The following UBE2M variants were observed in gnomAD, a reference collection of about 807,000 sequenced individuals.
The protein encoded by UBE2M is ubiquitin conjugating enzyme E2 M.
A neutral mutation model predicts 23.5 loss-of-function variants in UBE2M; 2 were observed. The observed-to-expected ratio is 0.09, with a 90% CI of 0.03 to 0.27. The LOEUF is 0.27. UBE2M is among the 10% of genes least tolerant of loss of function. UBE2M has a pLI of 1.00. For synonymous variants in UBE2M, 97 were observed against 95.2 expected (o/e 1.02, Z -0.11); for missense variants, 103 against 232.9 (o/e 0.44, Z 3.63).
At position 58,556,282 on chromosome 19, in the gene UBE2M, A is replaced by G. The variant is rs767481119; in HGVS notation, c.411+34T>C. The G allele has an allele frequency of 8.7e-6, 14 of 1,613,900 alleles. No homozygotes were observed. In the East Asian group the frequency reaches 2.7e-4, roughly 31 times the overall value. On this transcript the variant is annotated intron_variant, in intron 5 of 5. Transcript: ENST00000253023. The surrounding 1 kb of genome is among the most constrained non-coding windows in gnomAD (Gnocchi z 4.9). Reference sequence around the variant, plus strand: ...AACAGGCCAGAGGGACAGAAGGCCAATCTCCCCAGACCCAACCACCTATTC... The same window carrying G: ...AACAGGCCAGAGGGACAGAAGGCCAGTCTCCCCAGACCCAACCACCTATTC...
Position 58,556,996 on chromosome 19 carries a change from T to C in UBE2M, c.205-66A>G. 2 of 1,613,700 alleles carry C rather than the reference T, an allele frequency of 1.2e-6. No individual in the cohort carries two copies. The highest frequency in any genetic ancestry group is 1.7e-6 in the Non-Finnish European group (2 of 1,179,670). ...CCTGTGGGGCCCGATGGGCAGAACA[T>C]GTCTCCCTCCTCTCAGTGGGGACAC... On this transcript the variant is annotated intron_variant, in intron 2 of 5. Transcript: ENST00000253023. This position sits in a 1 kb window ranked among gnomAD's most constrained non-coding sequence, Gnocchi z 4.9.
At position 58,556,273 on chromosome 19, in the gene UBE2M, A is replaced by G. The variant is rs1339733599; in HGVS notation, c.411+43T>C. On this transcript the variant is annotated intron_variant, in intron 5 of 5. Coordinates refer to ENST00000253023, the MANE Select transcript of UBE2M (RefSeq NM_003969.4). The surrounding 1 kb of genome is among the most constrained non-coding windows in gnomAD (Gnocchi z 4.9). ...GGGGGGGTCAACAGGCCAGAGGGACAGAAGGCCAATCTCCCCAGACCCAAC... is the reference window on the plus strand; with the variant it reads ...GGGGGGGTCAACAGGCCAGAGGGACGGAAGGCCAATCTCCCCAGACCCAAC... 3.1e-6 allele frequency: 5 copies of G among 1,613,948 alleles called. No homozygotes were observed. Among genetic ancestry groups the G allele is most frequent in the Admixed American group, 3.3e-5 (2 of 60,006 alleles).
intron 2 of UBE2M, 56 bp downstream of exon 2, chr19:58,557,007 T>A: frequency 6.2e-7 from 1 of 1,613,572 alleles, no homozygotes; most frequent in East Asian, 2.2e-5. Flanking sequence ...GTCTCCCTCC[T>A]CTCAGTGGGG....
chr19:58,557,240 G>T, intron 1 of UBE2M, 83 bp from the exon 2 acceptor site: 1 of 1,432,812 alleles, frequency 7.0e-7, no homozygotes, highest in East Asian at 2.3e-5. Flanking sequence ...CACTTAGGGC[G>T]GGTGTTTGTT....
chr19:58,557,258 C>T (rs1211493570), intron 1 of UBE2M, 101 bp from the exon 2 acceptor site: 4 of 1,199,684 alleles, frequency 3.3e-6, no homozygotes, highest in East Asian at 2.3e-5. Flanking sequence ...GTTAGCAGAG[C>T]CCCCATCGTC....
chr19:58,557,252 G>T, intron 1 of UBE2M, 95 bp from the exon 2 acceptor site: 1 of 1,292,850 alleles, frequency 7.7e-7, no homozygotes, highest in Non-Finnish European at 1.1e-6. Flanking sequence ...GTGTTTGTTA[G>T]CAGAGCCCCC....
In UBE2M at chr19:58,558,558, G is replaced by A. The variant is rs1159707031; in HGVS notation, c.-177C>T. ...CCGCTCCTCTCCGCGCCCACCGCGC[G>A]GCCCGCCTCGGCTCCCGTAGTCCGG... On this transcript the variant is annotated 5_prime_UTR_variant, in exon 1 of 6. Transcript: ENST00000253023. The surrounding 1 kb of genome is among the most constrained non-coding windows in gnomAD (Gnocchi z 4.7). 1 of 168,790 alleles carries A rather than the reference G, an allele frequency of 5.9e-6. No individual in the cohort carries two copies. 10.5% of individuals were successfully genotyped at this position (168,790 alleles called of 1,614,324 possible).
chr19:58,555,815 CCA>C lies in UBE2M; in HGVS notation c.*272_*273del. The stretch of plus-strand genomic sequence containing the variant: ...GCCCGTTGCCCACCCACTCCACAGC[CCA>C]GAGTGGGGGCTGAACAAGCACCCAG... On this transcript the variant is annotated 3_prime_UTR_variant, in exon 6 of 6. Coordinates refer to ENST00000253023, the MANE Select transcript of UBE2M (RefSeq NM_003969.4). 1 of 504,288 alleles carries C rather than the reference CCA, an allele frequency of 2.0e-6. No homozygotes were observed. 31.2% of individuals were successfully genotyped at this position (504,288 alleles called of 1,614,324 possible). A position where few individuals can be genotyped will look rare whatever the true frequency, so the allele number is the denominator to read the frequency against.
chr19:58,557,678 G>C (rs1200731826), intron 1 of UBE2M, among the ~76,000 whole-genome samples: 2 of 112,604 alleles, frequency 1.8e-5, no homozygotes, highest in East Asian at 2.5e-4. Flanking sequence ...CACCCCCTCT[G>C]ACTCTGAGGT....
rs1476590995 is a variant in UBE2M at position 58,556,802 on chromosome 19, A to C, written c.244-12T>G. On this transcript the variant is annotated splice_polypyrimidine_tract_variant and intron_variant, in intron 3 of 5. Transcript: ENST00000253023. The surrounding 1 kb of genome is among the most constrained non-coding windows in gnomAD (Gnocchi z 4.9). ...TAACCCTGGCCCACCTGGCTCCAGG[A>C]AAAGAAAAGAGAGATGGGTAGGTGC... 2 of 1,604,082 alleles carry C rather than the reference A, an allele frequency of 1.2e-6. No homozygotes were observed. Among genetic ancestry groups the C allele is most frequent in the African/African-American group, 2.7e-5 (2 of 74,214 alleles).
chr19:58,556,670 A>G lies in UBE2M; in HGVS notation c.347+17T>C. On this transcript the variant is annotated intron_variant, in intron 4 of 5. Coordinates refer to ENST00000253023, the MANE Select transcript of UBE2M (RefSeq NM_003969.4). The surrounding 1 kb of genome is among the most constrained non-coding windows in gnomAD (Gnocchi z 4.9). ...CAGGCAGCGCTGAGGAGGGCATTAGAGGGCCAGTGTCCTCACCTGAGGATG... is the reference window on the plus strand; with the variant it reads ...CAGGCAGCGCTGAGGAGGGCATTAGGGGGCCAGTGTCCTCACCTGAGGATG... 1 of 1,520,116 alleles carries G rather than the reference A, an allele frequency of 6.6e-7. No individual in the cohort carries two copies. Among genetic ancestry groups the G allele is most frequent in the Non-Finnish European group, 8.8e-7 (1 of 1,136,252 alleles). 94.2% of individuals were successfully genotyped at this position (1,520,116 alleles called of 1,614,324 possible). A position where few individuals can be genotyped will look rare whatever the true frequency, so the allele number is the denominator to read the frequency against.
intron 1 of UBE2M, among the ~76,000 whole-genome samples, chr19:58,557,537 C>A (rs915646124): frequency 6.6e-6 from 1 of 151,902 alleles, no homozygotes; most frequent in African/African-American, 2.4e-5. Flanking sequence ...TACCTGTTCA[C>A]CCAAACTCAA....
chr19:58,556,584 C>G lies in UBE2M; in HGVS notation c.347+103G>C. On this transcript the variant is annotated intron_variant, in intron 4 of 5. Coordinates refer to ENST00000253023, the MANE Select transcript of UBE2M (RefSeq NM_003969.4). This position sits in a 1 kb window ranked among gnomAD's most constrained non-coding sequence, Gnocchi z 4.9. ...TGGGAAATCAAGAAACCACAGACAA[C>G]AAAGGGGTGGGAAGGGACAGAGTCT... 1.7e-6 allele frequency: 2 copies of G among 1,193,606 alleles called. No homozygotes were observed. The highest frequency in any genetic ancestry group is 2.3e-6 in the Non-Finnish European group (2 of 853,232). 73.9% of individuals were successfully genotyped at this position (1,193,606 alleles called of 1,614,324 possible).
Position 58,556,922 on chromosome 19 carries a change from G to A in UBE2M, c.213C>T (p.Tyr71=), listed in dbSNP as rs1338845236. ...KLVICPDEGF[Y]KSGKFVFSFK... ...AACTGAACACAAACTTCCCACTCTT[G>A]TAGAAGCCCTGGGAGGAAAAGGGGG... Residue 71 remains tyrosine, a synonymous_variant, in exon 3 of 6, where the codon TAC becomes TAT. Coordinates refer to ENST00000253023, the MANE Select transcript of UBE2M (RefSeq NM_003969.4). This position sits in a 1 kb window ranked among gnomAD's most constrained non-coding sequence, Gnocchi z 4.9. 3 of 1,613,914 alleles carry A rather than the reference G, an allele frequency of 1.9e-6. No individual in the cohort carries two copies. The highest frequency in any genetic ancestry group is 2.5e-6 in the Non-Finnish European group (3 of 1,179,976).
chr19:58,555,921 G>A lies in UBE2M; in HGVS notation c.*168C>T, dbSNP rs2053886662. 1 of 931,896 alleles carries A rather than the reference G, an allele frequency of 1.1e-6. No individual in the cohort carries two copies. The highest frequency in any genetic ancestry group is 2.7e-5 in the East Asian group (1 of 37,486). The allele number at this position is 931,896 out of a possible 1,614,324, so 57.7% of individuals were successfully genotyped here. On this transcript the variant is annotated 3_prime_UTR_variant, in exon 6 of 6. Coordinates refer to ENST00000253023, the MANE Select transcript of UBE2M (RefSeq NM_003969.4). ...GCAGCGCCGACCTTAATCACATGGT[G>A]TTAAAAAAAAAAAAATAACTAGGGG...
chr19:58,558,407 C>T lies in UBE2M; in HGVS notation c.-26G>A. 2 of 1,271,206 alleles carry T rather than the reference C, an allele frequency of 1.6e-6. No individual in the cohort carries two copies. Among genetic ancestry groups the T allele is most frequent in the Non-Finnish European group, 2.0e-6 (2 of 987,712 alleles). 78.7% of individuals were successfully genotyped at this position (1,271,206 alleles called of 1,614,324 possible). On this transcript the variant is annotated 5_prime_UTR_variant, in exon 1 of 6. Transcript: ENST00000253023. The surrounding 1 kb of genome is among the most constrained non-coding windows in gnomAD (Gnocchi z 4.7). ...CCTGCCGCCGCCGCCGCCGCTGCCGCCGCCGCGGGGCCCGGGACCCCGGCC... is the reference window on the plus strand; with the variant it reads ...CCTGCCGCCGCCGCCGCCGCTGCCGTCGCCGCGGGGCCCGGGACCCCGGCC...
At position 58,556,253 on chromosome 19, in the gene UBE2M, G is replaced by T. The variant is rs773806470; in HGVS notation, c.412-24C>A. 3.1e-6 allele frequency: 5 copies of T among 1,613,754 alleles called. No homozygotes were observed. The highest frequency in any genetic ancestry group is 1.7e-5 in the Admixed American group (1 of 60,000). ...TCCTGTGGCCAGTACAGGTAGGGGG[G>T]GTCAACAGGCCAGAGGGACAGAAGG... On this transcript the variant is annotated intron_variant, in intron 5 of 5. Transcript: ENST00000253023. This position sits in a 1 kb window ranked among gnomAD's most constrained non-coding sequence, Gnocchi z 4.9.
chr19:58,556,402 TC>T lies in UBE2M; in HGVS notation c.348-24del, dbSNP rs1233596409. On this transcript the variant is annotated intron_variant, in intron 4 of 5. Transcript: ENST00000253023. The surrounding 1 kb of genome is among the most constrained non-coding windows in gnomAD (Gnocchi z 4.9). ...TCTCTGTGGACAGAGAGCATCAGGG[TC>T]AGGGCTTGGTGAGTGGGAGACTGCC... The T allele has an allele frequency of 1.2e-6, 2 of 1,612,488 alleles. No homozygotes were observed. Among genetic ancestry groups the T allele is most frequent in the Admixed American group, 1.7e-5 (1 of 59,992 alleles).
In UBE2M at chr19:58,556,244, G is replaced by T; in HGVS notation, c.412-15C>A. 1 of 1,613,944 alleles carries T rather than the reference G, an allele frequency of 6.2e-7. No individual in the cohort carries two copies. Among genetic ancestry groups the T allele is most frequent in the Non-Finnish European group, 8.5e-7 (1 of 1,179,820 alleles). ...GGGTTGGGCTCCTGTGGCCAGTACA[G>T]GTAGGGGGGGTCAACAGGCCAGAGG... is the stretch of plus-strand genomic sequence containing the variant. On this transcript the variant is annotated splice_polypyrimidine_tract_variant and intron_variant, in intron 5 of 5. Transcript: ENST00000253023. This position sits in a 1 kb window ranked among gnomAD's most constrained non-coding sequence, Gnocchi z 4.9.
Sources: allele counts gnomAD v4.1 joint callset (sites outside exome capture counted in the v4.1 genomes callset), GRCh38; gene constraint gnomAD v4.1.1; non-coding constraint Gnocchi (gnomAD v3.1); transcripts MANE v1.5; gene names NCBI Gene and HGNC (gene_info 2026-07-23, HGNC 2026-07-21).